Variants in GUCY1B1 observed in about 807,000 individuals in gnomAD.
GUCY1B1 encodes guanylate cyclase soluble subunit beta-1.
In GUCY1B1, 43 loss-of-function variants were observed where a neutral mutation model predicts 71.0. The observed-to-expected ratio is 0.61, with a 90% CI of 0.47 to 0.78. The LOEUF (loss-of-function observed/expected upper bound fraction) is 0.78. GUCY1B1 is among the 30% of genes least tolerant of loss of function. The pLI, the probability that GUCY1B1 is intolerant of heterozygous loss-of-function variation, is 0.00. For synonymous variants in GUCY1B1, 266 were observed against 259.7 expected (o/e 1.02, Z -0.23); for missense variants, 535 against 754.1 (o/e 0.71, Z 3.40).
intron 2 of GUCY1B1, among the ~76,000 whole-genome samples, chr4:155,761,935 G>C (rs1368119173): frequency 2.0e-5 from 3 of 152,196 alleles, no homozygotes; most frequent in Admixed American, 1.3e-4. Context: ...AGTCACACTG[G>C]TGTTGGTAAT....
intron 8 of GUCY1B1, among the ~76,000 whole-genome samples, chr4:155,799,224 G>T (rs1011057215): frequency 6.6e-6 from 1 of 152,110 alleles, no homozygotes; most frequent in African/African-American, 2.4e-5. Flanking sequence ...TTGGAAAAAT[G>T]ACACAAGTTA....
At chr4:155,764,714 G>A (rs973792822) in intron 2 of GUCY1B1, among the ~76,000 whole-genome samples, 7 of 152,212 alleles carry the variant, frequency 4.6e-5, no homozygotes, top group African/African-American at 1.4e-4. Flanking sequence ...GGAAGGCGTT[G>A]CATTGTATTG....
At chr4:155,762,333 AT>A (rs3839143) in intron 2 of GUCY1B1, among the ~76,000 whole-genome samples, 23,228 of 151,504 alleles carry the variant, frequency 0.15, 1,994 homozygotes, top group Middle Eastern at 0.2. Flanking sequence ...GAGGAAAAAC[AT>A]TTTTTTTTGT....
chr4:155,759,202 C>T, intron 1 of GUCY1B1, 59 bp downstream of exon 1: 1 of 1,509,814 alleles, frequency 6.6e-7, no homozygotes, highest in Non-Finnish European at 9.0e-7. Context: ...GGCCTGGCAG[C>T]GAGGGAACTG....
intron 2 of GUCY1B1, among the ~76,000 whole-genome samples, chr4:155,762,852 A>G (rs1380163980): frequency 2.0e-5 from 3 of 152,216 alleles, no homozygotes; most frequent in Non-Finnish European, 4.4e-5. Flanking sequence ...CAACCAAACC[A>G]GACAAAGTGG....
chr4:155,806,106 A>G (rs1740293591), intron 13 of GUCY1B1, among the ~76,000 whole-genome samples: 1 of 152,140 alleles, frequency 6.6e-6, no homozygotes, highest in African/African-American at 2.4e-5. Context: ...CAGGGTTTGA[A>G]ATATTTATCT....
chr4:155,775,714 G>A (rs921727428), intron 3 of GUCY1B1, among the ~76,000 whole-genome samples: 8 of 152,180 alleles, frequency 5.3e-5, no homozygotes, highest in Non-Finnish European at 5.9e-5. Context: ...AGTATAATAT[G>A]TGTTTCTCCA....
chr4:155,796,622 G>T lies in GUCY1B1; in HGVS notation c.977+112G>T, dbSNP rs1042631728. On this transcript the variant is annotated intron_variant, in intron 8 of 13. Coordinates refer to ENST00000264424, the MANE Select transcript of GUCY1B1 (RefSeq NM_000857.5). ...TTACATATTCTCTGAGGTGTAATTA[G>T]ATTTTACAGCCCTTGTTGTGTATTA... The T allele has an allele frequency of 9.7e-5, 66 of 679,296 alleles. No homozygotes were observed. In the South Asian group the frequency reaches 1.1e-3, roughly 12 times the overall value. 42.1% of individuals were successfully genotyped at this position (679,296 alleles called of 1,614,324 possible). A position where few individuals can be genotyped will look rare whatever the true frequency, so the allele number is the denominator to read the frequency against.
At chr4:155,794,425 C>T (rs1314264471) in intron 6 of GUCY1B1, among the ~76,000 whole-genome samples, 1 of 152,108 alleles carries the variant, frequency 6.6e-6, no homozygotes. Context: ...CATTGGATAT[C>T]TACCATCTGT....
chr4:155,785,595 CA>C lies in GUCY1B1; in HGVS notation c.298-4107del, dbSNP rs565720430. Among the ~76,000 whole-genome samples the C allele has an allele frequency of 1.1e-3, 147 of 139,154 alleles. No individual in the cohort carries two copies. The East Asian group carries it at 0.013, about 12-fold the overall frequency. The allele number at this position is 139,154 out of a possible 152,430, so 91.3% of individuals were successfully genotyped here. ...GGCCATTGTAAGAATCTTTTTGTAG[CA>C]AAAAAAAAAAATTGTAGCCTGTATA... On this transcript the variant is annotated intron_variant, in intron 4 of 13. Coordinates refer to ENST00000264424, the MANE Select transcript of GUCY1B1 (RefSeq NM_000857.5).
At chr4:155,764,800 A>G (rs1167942591) in intron 2 of GUCY1B1, among the ~76,000 whole-genome samples, 1 of 152,202 alleles carries the variant, frequency 6.6e-6, no homozygotes, top group African/African-American at 2.4e-5. Flanking sequence ...TGTATACTCC[A>G]TCACATACCT....
At chr4:155,767,642 C>A (rs1156422429) in intron 2 of GUCY1B1, among the ~76,000 whole-genome samples, 3 of 151,990 alleles carry the variant, frequency 2.0e-5, no homozygotes, top group Non-Finnish European at 4.4e-5. Context: ...AAGGACTGAC[C>A]TTTACTAACT....
chr4:155,793,741 G>C, intron 5 of GUCY1B1, 115 bp from the exon 6 acceptor site: 1 of 607,488 alleles, frequency 1.6e-6, no homozygotes, highest in Non-Finnish European at 3.0e-6. Context: ...TATATGTTTT[G>C]AATTTTTGTA....
chr4:155,776,200 C>A (rs1305594795), intron 3 of GUCY1B1, among the ~76,000 whole-genome samples: 1 of 151,878 alleles, frequency 6.6e-6, no homozygotes, highest in Non-Finnish European at 1.5e-5. Flanking sequence ...AACAATTTTG[C>A]CTCATGAAAG....
chr4:155,761,193 A>C (rs1461173607), intron 2 of GUCY1B1, among the ~76,000 whole-genome samples: 6 of 152,236 alleles, frequency 3.9e-5, no homozygotes, highest in African/African-American at 1.4e-4. Context: ...AAGTTACTTT[A>C]GGATTTGAAT....
chr4:155,768,925 G>A (rs988157123), intron 2 of GUCY1B1, among the ~76,000 whole-genome samples: 5 of 152,124 alleles, frequency 3.3e-5, no homozygotes, highest in African/African-American at 1.2e-4. Flanking sequence ...ATTTTAGTTT[G>A]TAAATTCTAT....
At chr4:155,764,368 A>G (rs969943185) in intron 2 of GUCY1B1, among the ~76,000 whole-genome samples, 2 of 152,126 alleles carry the variant, frequency 1.3e-5, no homozygotes, top group Non-Finnish European at 2.9e-5. Context: ...TTACAGCTCA[A>G]TTTTTTTAAT....
chr4:155,778,235 A>C (rs1738190172), intron 4 of GUCY1B1, among the ~76,000 whole-genome samples: 1 of 152,240 alleles, frequency 6.6e-6, no homozygotes, highest in South Asian at 2.1e-4. Context: ...TAAATAATGC[A>C]ATCACAGGCC....
intron 8 of GUCY1B1, 142 bp from the exon 9 acceptor site, chr4:155,799,735 C>T: frequency 2.0e-6 from 1 of 496,512 alleles, no homozygotes; most frequent in South Asian, 4.0e-5. Context: ...AATCTTCGTT[C>T]AATTCTCCAT....
Sources: allele counts gnomAD v4.1 joint callset (sites outside exome capture counted in the v4.1 genomes callset), GRCh38; gene constraint gnomAD v4.1.1; transcripts MANE v1.5; gene names NCBI Gene and HGNC (gene_info 2026-07-23, HGNC 2026-07-21).